ACYP2: variants seen among roughly 807,000 people sequenced by gnomAD.
ACYP2 encodes the protein acylphosphatase-2.
Under a neutral mutation model 11.2 loss-of-function variants are expected in ACYP2, and 12 were observed. The observed-to-expected ratio is 1.08, with a 90% CI of 0.69 to 1.74. The LOEUF is 1.74. ACYP2 is among the 40% of genes most tolerant of loss of function. The pLI is 0.00. For missense variants in ACYP2, 134 were observed against 101.9 expected, an observed-to-expected ratio of 1.31 and a Z score of -1.35; for synonymous variants, 43 against 32.2, an observed-to-expected ratio of 1.33 and a Z score of -1.13.
intron 6 of ACYP2, among the ~76,000 whole-genome samples, chr2:54,283,015 C>CATTCT (rs1187048490): frequency 5.9e-5 from 9 of 152,254 alleles, no homozygotes; most frequent in African/African-American, 2.2e-4. Flanking sequence ...GAAAATATTT[C>CATTCT]TAACATTCAC....
chr2:54,249,940 CAAAAAAAAAA>C (rs1015312135), intron 6 of ACYP2, among the ~76,000 whole-genome samples: 1 of 44,454 alleles, frequency 2.2e-5, no homozygotes, highest in African/African-American at 6.4e-5. Flanking sequence ...GACCCTGTCT[CAAAAAAAAAA>C]AAAAAAAAAA....
intron 4 of ACYP2, among the ~76,000 whole-genome samples, chr2:54,069,633 G>C (rs962141785): frequency 6.6e-6 from 1 of 152,068 alleles, no homozygotes; most frequent in Non-Finnish European, 1.5e-5. Flanking sequence ...CTGCACTCCA[G>C]CCTGGGTGAC....
At chr2:54,219,001 T>C (rs13415762) in intron 6 of ACYP2, among the ~76,000 whole-genome samples, 10,368 of 152,224 alleles carry the variant, frequency 0.068, 1,201 homozygotes, top group African/African-American at 0.24. Flanking sequence ...AAAATAAATC[T>C]TGGATGGGAA....
At chr2:53,996,403 C>T (rs985598146) in intron 2 of ACYP2, among the ~76,000 whole-genome samples, 1 of 152,062 alleles carries the variant, frequency 6.6e-6, no homozygotes, top group South Asian at 2.1e-4. Flanking sequence ...GGATGCTGAT[C>T]TGATATCTGT....
At chr2:54,060,666 T>G (rs530567601) in intron 4 of ACYP2, among the ~76,000 whole-genome samples, 70 of 152,360 alleles carry the variant, frequency 4.6e-4, no homozygotes, top group Non-Finnish European at 8.8e-4. Flanking sequence ...TATGATAGAA[T>G]TTTATCAGAT....
At chr2:54,301,908 G>C (rs1689741188) in intron 6 of ACYP2, among the ~76,000 whole-genome samples, 2 of 152,106 alleles carry the variant, frequency 1.3e-5, no homozygotes, top group Admixed American at 1.3e-4. Context: ...CAGGCAGGGT[G>C]GTTCCTAGCA....
intron 6 of ACYP2, among the ~76,000 whole-genome samples, chr2:54,192,787 A>G (rs1330183996): frequency 1.3e-5 from 2 of 152,182 alleles, no homozygotes; most frequent in Non-Finnish European, 2.9e-5. Flanking sequence ...GAAACTTACA[A>G]TCATGGTGGA....
intron 4 of ACYP2, among the ~76,000 whole-genome samples, chr2:54,067,567 T>A (rs1281676629): frequency 6.6e-6 from 1 of 152,236 alleles, no homozygotes; most frequent in Non-Finnish European, 1.5e-5. Flanking sequence ...TGAATTGTTA[T>A]CTGCTAGGGA....
At chr2:54,169,457 AT>A (rs112372558) in intron 6 of ACYP2, among the ~76,000 whole-genome samples, 141 of 149,096 alleles carry the variant, frequency 9.5e-4, no homozygotes, top group African/African-American at 2.8e-3. Context: ...AGCCTCTAGA[AT>A]TTTTTTTTTT....
intron 6 of ACYP2, among the ~76,000 whole-genome samples, chr2:54,217,986 C>T (rs1446855064): frequency 1.3e-5 from 2 of 152,154 alleles, no homozygotes; most frequent in East Asian, 1.9e-4. Context: ...TTATGCTACT[C>T]CAAAACCTTG....
In ACYP2 at chr2:54,184,376, T is replaced by C. The variant is rs1210403624; in HGVS notation, c.404+45628T>C. The stretch of plus-strand genomic sequence containing the variant: ...ATTCCTTAGTAAGTTAATTTTTTTA[T>C]ATTTTTGTTCATGGGGACCTTATAC... On this transcript the variant is annotated intron_variant, in intron 6 of 6. Transcript: ENST00000607452. Among the ~76,000 whole-genome samples the C allele has an allele frequency of 2.6e-5, 4 of 152,296 alleles. No homozygotes were observed. The East Asian group carries it at 7.7e-4, about 29-fold the overall frequency.
intron 6 of ACYP2, among the ~76,000 whole-genome samples, chr2:54,260,505 G>T (rs1264228190): frequency 6.6e-6 from 1 of 152,152 alleles, no homozygotes; most frequent in Admixed American, 6.5e-5. Context: ...AACAAGAAGG[G>T]CAAGAGAATA....
chr2:54,191,734 C>T (rs1464300921), intron 6 of ACYP2, among the ~76,000 whole-genome samples: 1 of 152,168 alleles, frequency 6.6e-6, no homozygotes, highest in Non-Finnish European at 1.5e-5. Flanking sequence ...CAGAGCTCTG[C>T]TCAAATGTCC....
intron 6 of ACYP2, among the ~76,000 whole-genome samples, chr2:54,190,545 C>G (rs1684198139): frequency 6.6e-6 from 1 of 152,080 alleles, no homozygotes; most frequent in African/African-American, 2.4e-5. Context: ...TCTTTTACCT[C>G]TCTCTTCTCC....
intron 4 of ACYP2, among the ~76,000 whole-genome samples, chr2:54,074,434 C>G (rs1042460008): frequency 2.0e-5 from 3 of 152,108 alleles, no homozygotes; most frequent in Non-Finnish European, 2.9e-5. Context: ...CTCATCTCTA[C>G]TTTATTTTAA....
At chr2:54,176,405 G>C (rs1572892453) in intron 6 of ACYP2, among the ~76,000 whole-genome samples, 1 of 152,172 alleles carries the variant, frequency 6.6e-6, no homozygotes. Context: ...CAAATAGAAC[G>C]ACCAAGTGTC....
intron 4 of ACYP2, chr2:54,115,729 G>A: frequency 1.2e-6 from 2 of 1,613,074 alleles, no homozygotes; most frequent in Non-Finnish European, 1.7e-6. Flanking sequence ...CAAATCCGTG[G>A]ACTACGAGGT....
At chr2:54,265,417 C>T (rs1687973173) in intron 6 of ACYP2, among the ~76,000 whole-genome samples, 1 of 152,180 alleles carries the variant, frequency 6.6e-6, no homozygotes, top group Non-Finnish European at 1.5e-5. Flanking sequence ...TGATCTCCCA[C>T]CAGGTTCCTT....
chr2:53,988,994 T>C (rs915924221), intron 2 of ACYP2, among the ~76,000 whole-genome samples: 1 of 152,166 alleles, frequency 6.6e-6, no homozygotes, highest in Non-Finnish European at 1.5e-5. Context: ...GGTGAACTTC[T>C]GCCTCGGCCT....
Sources: gnomAD v4.1 joint callset for allele counts (sites outside exome capture counted in the v4.1 genomes callset) on GRCh38, gnomAD v4.1.1 for gene constraint, MANE v1.5 for transcripts, NCBI Gene and HGNC (gene_info 2026-07-23, HGNC 2026-07-21) for gene names.